The following RHPN1 variants were observed in gnomAD, a reference collection of about 807,000 sequenced individuals.
RHPN1 encodes rhophilin Rho GTPase binding protein 1.
RHPN1 carries 77 observed loss-of-function variants against 74.7 expected under a neutral mutation model. That is an observed-to-expected ratio of 1.03 (90% CI 0.86 to 1.25). The LOEUF is 1.25. Ranked by LOEUF, RHPN1 falls within the 50% of genes most tolerant of loss-of-function variation. The probability of loss-of-function intolerance (pLI) is 0.00; values close to 1 mark genes in which losing one functional copy is unlikely to be tolerated. For missense variants in RHPN1, 987 were observed against 932.2 expected, an observed-to-expected ratio of 1.06 and a Z score of -0.77; for synonymous variants, 444 against 414.5, an observed-to-expected ratio of 1.07 and a Z score of -0.87.
rs1818924726 is a variant in RHPN1 at position 143,384,202 on chromosome 8, T to C, written c.*1551T>C. On this transcript the variant is annotated 3_prime_UTR_variant, in exon 15 of 15. Coordinates refer to ENST00000289013, the MANE Select transcript of RHPN1 (RefSeq NM_052924.3). Reference sequence around the variant, plus strand: ...CCCCAGCACGTGTTAATTTGGTTAATAAAACTGTGGATCAAGGAGGCCAGT... The same window carrying C: ...CCCCAGCACGTGTTAATTTGGTTAACAAAACTGTGGATCAAGGAGGCCAGT... 6.8e-6 allele frequency: 1 copy of C among 146,134 alleles called. No homozygotes were observed. Among genetic ancestry groups the C allele is most frequent in the Admixed American group, 6.8e-5 (1 of 14,700 alleles). 9.1% of individuals were successfully genotyped at this position (146,134 alleles called of 1,614,324 possible).
intron 8 of RHPN1, 118 bp from the exon 9 acceptor site, chr8:143,379,711 C>T (rs967047527): frequency 3.4e-6 from 5 of 1,458,664 alleles, no homozygotes; most frequent in African/African-American, 1.4e-5. Flanking sequence ...GCAGCAGGAA[C>T]TGAGGTGCCA....
rs1563800260 is a variant in RHPN1 at position 143,379,458 on chromosome 8, G to T, written c.895G>T (p.Ala299Ser). ...GGGCCTCTCACCACCTGCCTCCATG[G>T]CCCCCCAAGACTGCCTGGCCCAGCT... is the stretch of plus-strand genomic sequence containing the variant. ...FEGLSPPASM[A>S]PQDCLAQLRL... The change falls in exon 8 of 15, where the codon GCC (alanine) becomes TCC (serine). Residue 299 changes from alanine (A) to serine (S), a missense_variant. Transcript: ENST00000289013. 1.3e-6 allele frequency: 2 copies of T among 1,571,558 alleles called. No individual in the cohort carries two copies. Among genetic ancestry groups the T allele is most frequent in the Non-Finnish European group, 1.7e-6 (2 of 1,158,974 alleles).
upstream of RHPN1, among the ~76,000 whole-genome samples, chr8:143,364,476 G>A (rs980854369): frequency 6.6e-5 from 10 of 152,062 alleles, no homozygotes; most frequent in Non-Finnish European, 8.8e-5. This position sits in a 1 kb window ranked among gnomAD's most constrained non-coding sequence, Gnocchi z 4.5. Flanking sequence ...CCTTGCTTAC[G>A]GAGGCCCCAC....
Position 143,375,723 on chromosome 8 carries a change from G to T in RHPN1, c.176+55G>T, listed in dbSNP as rs901414970. 5 of 1,357,882 alleles carry T rather than the reference G, an allele frequency of 3.7e-6. No individual in the cohort carries two copies. The Admixed American group carries it at 6.5e-5, about 18-fold the overall frequency. 84.1% of individuals were successfully genotyped at this position (1,357,882 alleles called of 1,614,324 possible). A position where few individuals can be genotyped will look rare whatever the true frequency, so the allele number is the denominator to read the frequency against. ...AGCAGGGCCCACCTGGGTGAGGGGG[G>T]CAGGACAGCCACGCAGGCAGATGTC... On this transcript the variant is annotated intron_variant, in intron 2 of 14. Coordinates refer to ENST00000289013, the MANE Select transcript of RHPN1 (RefSeq NM_052924.3).
At chr8:143,372,420 G>T (rs34259211) in intron 1 of RHPN1, among the ~76,000 whole-genome samples, 10,873 of 152,266 alleles carry the variant, frequency 0.071, 465 homozygotes, top group Non-Finnish European at 0.096. Context: ...GCTCTGGAGG[G>T]AATTTCTTTT....
upstream of RHPN1, among the ~76,000 whole-genome samples, chr8:143,365,712 A>C (rs1817549454): frequency 6.6e-6 from 1 of 152,224 alleles, no homozygotes. Context: ...AAAAGCATAA[A>C]GCAGGCCAGG....
chr8:143,375,096 A>G (rs1258817944), intron 1 of RHPN1, among the ~76,000 whole-genome samples: 1 of 152,168 alleles, frequency 6.6e-6, no homozygotes, highest in African/African-American at 2.4e-5. Context: ...CATGGGAATG[A>G]TTTGGAGGCG....
In RHPN1 at chr8:143,369,016, C is replaced by A; in HGVS notation, c.29C>A (p.Ala10Glu). The A allele has an allele frequency of 6.7e-7, 1 of 1,496,244 alleles. No individual in the cohort carries two copies. The highest frequency in any genetic ancestry group is 8.8e-7 in the Non-Finnish European group (1 of 1,130,620). The allele number at this position is 1,496,244 out of a possible 1,614,324, so 92.7% of individuals were successfully genotyped here. Residue 10 changes from alanine (A) to glutamate (E), a missense_variant, in exon 1 of 15, where the codon GCG (alanine) becomes GAG (glutamate). Physicochemically the swap from Ala to Glu is moderately radical, Grantham distance 107. Coordinates refer to ENST00000289013, the MANE Select transcript of RHPN1 (RefSeq NM_052924.3). ...ATCCTGGAGGAGAGGCCGGACGGCG[C>A]GGGCGCCGGCGAGGAGAGCCCGCGG... MILEERPDG[A>E]GAGEESPRLQ...
intron 12 of RHPN1, 23 bp downstream of exon 12, chr8:143,381,367 A>G (rs769782932): frequency 1.9e-6 from 3 of 1,591,082 alleles, no homozygotes; most frequent in Non-Finnish European, 1.7e-6. Context: ...GTCCCCAGGC[A>G]CCGCCCAGCA....
At position 143,368,935 on chromosome 8, in the gene RHPN1, G is replaced by A; in HGVS notation, c.-53G>A. On this transcript the variant is annotated 5_prime_UTR_variant, in exon 1 of 15. Coordinates refer to ENST00000289013, the MANE Select transcript of RHPN1 (RefSeq NM_052924.3). Reference sequence around the variant, plus strand: ...CCCTAGCCCGGCTGCGGAGCGCTGCGCGAGCGGCGGGCTGGCTGACCCCGA... The same window carrying A: ...CCCTAGCCCGGCTGCGGAGCGCTGCACGAGCGGCGGGCTGGCTGACCCCGA... 2 of 1,387,518 alleles carry A rather than the reference G, an allele frequency of 1.4e-6. No homozygotes were observed. The highest frequency in any genetic ancestry group is 9.4e-7 in the Non-Finnish European group (1 of 1,064,234). The allele number at this position is 1,387,518 out of a possible 1,614,324, so 86.0% of individuals were successfully genotyped here.
At chr8:143,365,339 T>C (rs188673971), upstream of RHPN1, among the ~76,000 whole-genome samples, 4 of 152,308 alleles carry the variant, frequency 2.6e-5, no homozygotes, top group Non-Finnish European at 5.9e-5. Context: ...GTCCCCAGCA[T>C]GGCCTAATCC....
intron 10 of RHPN1, 167 bp from the exon 11 acceptor site, chr8:143,380,422 A>G (rs368589993): frequency 1.5e-6 from 1 of 680,522 alleles, no homozygotes; most frequent in South Asian, 2.0e-5. Flanking sequence ...CCTGCTTTGC[A>G]CGTGGCAGAG....
upstream of RHPN1, among the ~76,000 whole-genome samples, chr8:143,366,168 C>T (rs528670532): frequency 4.7e-4 from 71 of 151,808 alleles, no homozygotes; most frequent in African/African-American, 6.0e-4. Context: ...AAAGAGAAAA[C>T]GAGCATAAAG....
upstream of RHPN1, among the ~76,000 whole-genome samples, chr8:143,365,913 C>T (rs941067291): frequency 1.3e-5 from 2 of 151,758 alleles, no homozygotes; most frequent in Non-Finnish European, 2.9e-5. Context: ...GGGAGGATTG[C>T]CTGAGCCTAG....
At chr8:143,371,584 C>G (rs1435893184) in intron 1 of RHPN1, among the ~76,000 whole-genome samples, 2 of 152,180 alleles carry the variant, frequency 1.3e-5, no homozygotes, top group African/African-American at 4.8e-5. Flanking sequence ...CAGCCCCACT[C>G]TGGCCAGGGC....
chr8:143,375,610 A>G lies in RHPN1; in HGVS notation c.118A>G (p.Ile40Val), dbSNP rs377306820. ...CGQLQSRRAQ[I>V]HQQIDKELQM... is the part of the protein sequence containing the mutation. ...CCAGCTGCAGAGCCGCAGGGCCCAGATTCACCAGCAGATTGACAAGGAGCT... is the reference window on the plus strand; with the variant it reads ...CCAGCTGCAGAGCCGCAGGGCCCAGGTTCACCAGCAGATTGACAAGGAGCT... The change falls in exon 2 of 15, where the codon ATT becomes GTT. Residue 40 changes from isoleucine (I) to valine (V), a missense_variant. Coordinates refer to ENST00000289013, the MANE Select transcript of RHPN1 (RefSeq NM_052924.3). The G allele has an allele frequency of 1.9e-6, 3 of 1,609,136 alleles. No individual in the cohort carries two copies. The highest frequency in any genetic ancestry group is 3.4e-5 in the Admixed American group (2 of 59,264).
chr8:143,365,530 C>T (rs557211372), upstream of RHPN1, among the ~76,000 whole-genome samples: 98 of 152,366 alleles, frequency 6.4e-4, no homozygotes, highest in African/African-American at 2.3e-3. Context: ...TTCCCGCTCA[C>T]AGCCATTGGG....
intron 1 of RHPN1, chr8:143,374,214 G>A: frequency 1.0e-6 from 1 of 985,460 alleles, no homozygotes; most frequent in Non-Finnish European, 1.2e-6. Context: ...GTGTGTGCGT[G>A]GAGAGGGTGT....
At chr8:143,376,898 G>A (rs1025206880) in intron 3 of RHPN1, among the ~76,000 whole-genome samples, 1 of 64,702 alleles carries the variant, frequency 1.5e-5, no homozygotes, top group African/African-American at 6.0e-5. Flanking sequence ...GCATGCGTCT[G>A]TGTGCGCGTG....
Sources: allele counts gnomAD v4.1 joint callset (sites outside exome capture counted in the v4.1 genomes callset), GRCh38; gene constraint gnomAD v4.1.1; non-coding constraint Gnocchi (gnomAD v3.1); transcripts MANE v1.5; gene names NCBI Gene and HGNC (gene_info 2026-07-23, HGNC 2026-07-21).